PLEKHM1: variants seen among roughly 807,000 people sequenced by gnomAD.
PLEKHM1 encodes pleckstrin homology and RUN domain containing M1.
A neutral mutation model predicts 94.3 loss-of-function variants in PLEKHM1; 28 were observed. The observed-to-expected ratio is 0.30, with a 90% CI of 0.22 to 0.41. PLEKHM1 has a LOEUF of 0.41. Among genes scored for constraint, PLEKHM1 ranks in the 10% least tolerant of loss-of-function variants. The pLI, the probability that PLEKHM1 is intolerant of heterozygous loss-of-function variation, is 1.00. For missense variants in PLEKHM1, 907 were observed against 1,358.6 expected (o/e 0.67, Z 5.22); for synonymous variants, 424 against 581.2 (o/e 0.73, Z 3.89).
chr17:45,465,817 T>C (rs2051303577), intron 5 of PLEKHM1, among the ~76,000 whole-genome samples: 1 of 152,092 alleles, frequency 6.6e-6, no homozygotes, highest in Admixed American at 6.6e-5. Context: ...AAGATGCTAT[T>C]CTGTCCCACC....
At chr17:45,479,947 TTACAGAA>T (rs1358061525) in intron 2 of PLEKHM1, among the ~76,000 whole-genome samples, 1 of 152,242 alleles carries the variant, frequency 6.6e-6, no homozygotes, top group Admixed American at 6.5e-5. Context: ...CTGGAAGGGA[TTACAGAA>T]AAACTGGTTT....
Position 45,437,804 on chromosome 17 carries a change from G to C in PLEKHM1, c.*54C>G, listed in dbSNP as rs2050314278. ...CTGGGCTGATGGCAAACCCAGCCGG[G>C]ATGGCTGAGCCACACTCACCCCCGG... On this transcript the variant is annotated 3_prime_UTR_variant, in exon 12 of 12. Transcript: ENST00000430334. This position sits in a 1 kb window ranked among gnomAD's most constrained non-coding sequence, Gnocchi z 4.0. 7.2e-7 allele frequency: 1 copy of C among 1,387,002 alleles called. No homozygotes were observed. The highest frequency in any genetic ancestry group is 1.8e-4 in the Middle Eastern group (1 of 5,670). 85.9% of individuals were successfully genotyped at this position (1,387,002 alleles called of 1,614,324 possible).
intron 6 of PLEKHM1, among the ~76,000 whole-genome samples, chr17:45,457,940 G>A (rs1368788727): frequency 1.3e-5 from 2 of 152,092 alleles, no homozygotes; most frequent in Non-Finnish European, 1.5e-5. Context: ...CTATTTGACT[G>A]GTGAAACAGT....
In PLEKHM1 at chr17:45,454,094, C is replaced by T; in HGVS notation, c.1758G>A (p.Gly586=). ...NCSLLRCESV[G]PAHSDGRFEL... The stretch of plus-strand genomic sequence containing the variant: ...CAAAGCGCCCATCACTATGGGCTGG[C>T]CCCACAGACTCACAGCGAAGCAGCG... The change falls in exon 7 of 12, where the codon GGG becomes GGA. Residue 586 remains glycine, a synonymous_variant. Transcript: ENST00000430334. The T allele has an allele frequency of 6.2e-7, 1 of 1,614,224 alleles. No individual in the cohort carries two copies. The highest frequency in any genetic ancestry group is 8.5e-7 in the Non-Finnish European group (1 of 1,180,052).
rs751033146 is a variant in PLEKHM1, at chr17:45,453,788, G to C, written c.2064C>G (p.Ser688=). ...QVPEPDAIKE[S]LLYLYMDRTW... ...TCCTGTCCATGTACAAGTACAGCAG[G>C]GACTCCTTGATGGCATCTGGCTCTG... is the stretch of plus-strand genomic sequence containing the variant. Residue 688 remains serine (S), a synonymous_variant, in exon 7 of 12, where the codon TCC becomes TCG. Transcript: ENST00000430334. The surrounding 1 kb of genome is among the most constrained non-coding windows in gnomAD (Gnocchi z 4.1). 1 of 1,613,984 alleles carries C rather than the reference G, an allele frequency of 6.2e-7. No individual in the cohort carries two copies. The highest frequency in any genetic ancestry group is 8.5e-7 in the Non-Finnish European group (1 of 1,179,866).
intron 1 of PLEKHM1, among the ~76,000 whole-genome samples, chr17:45,485,892 C>T (rs1198751180): frequency 2.5e-4 from 37 of 150,768 alleles, no homozygotes; most frequent in African/African-American, 8.6e-4. Context: ...GCACTCCAGC[C>T]GGGGCAGCAA....
intron 1 of PLEKHM1, among the ~76,000 whole-genome samples, chr17:45,489,560 T>G: frequency 6.6e-6 from 1 of 152,094 alleles, no homozygotes; most frequent in Non-Finnish European, 1.5e-5. Context: ...TTAATATGAA[T>G]GCCAAAAACA....
chr17:45,436,113 T>G lies in PLEKHM1; in HGVS notation c.*1745A>C, dbSNP rs780140357. The G allele has an allele frequency of 1.0e-4, 46 of 456,326 alleles. No individual in the cohort carries two copies. The highest frequency in any genetic ancestry group is 4.0e-4 in the Admixed American group (17 of 42,570). The allele number at this position is 456,326 out of a possible 1,614,324, so 28.3% of individuals were successfully genotyped here. A position where few individuals can be genotyped will look rare whatever the true frequency, so the allele number is the denominator to read the frequency against. On this transcript the variant is annotated 3_prime_UTR_variant, in exon 12 of 12. Coordinates refer to ENST00000430334, the MANE Select transcript of PLEKHM1 (RefSeq NM_014798.3). The stretch of plus-strand genomic sequence containing the variant: ...TGCATCTGAAAGCACTGGCAGCTTC[T>G]GGGGAACGGGCCCCCCAGGGCCTCA...
intron 3 of PLEKHM1, among the ~76,000 whole-genome samples, chr17:45,476,302 T>C (rs911449928): frequency 1.3e-5 from 2 of 151,646 alleles, no homozygotes; most frequent in African/African-American, 4.9e-5. Context: ...TAAGGCATGC[T>C]GTCAGAGCTC....
chr17:45,443,296 T>A (rs1425482187), intron 9 of PLEKHM1, among the ~76,000 whole-genome samples: 1 of 151,366 alleles, frequency 6.6e-6, no homozygotes, highest in Non-Finnish European at 1.5e-5. Flanking sequence ...AGACTCTGGG[T>A]CCCTCATGCA....
rs2051631647 is a variant in PLEKHM1, at chr17:45,474,326, G to C, written c.923+774C>G. Among the ~76,000 whole-genome samples the C allele has an allele frequency of 2.0e-5, 3 of 152,060 alleles. No homozygotes were observed. The South Asian group carries it at 6.2e-4, about 32-fold the overall frequency. ...CCTGCCTTGGCCTCCCAAGGTGCTG[G>C]GATTACAGGCGTGAGCCACCGTGCC... On this transcript the variant is annotated intron_variant, in intron 4 of 11. Transcript: ENST00000430334.
At position 45,445,343 on chromosome 17, in the gene PLEKHM1, ATGTG is replaced by A. The variant is rs1347493099; in HGVS notation, c.2837+123_2837+126del. 1 of 743,410 alleles carries A rather than the reference ATGTG, an allele frequency of 1.3e-6. No individual in the cohort carries two copies. The highest frequency in any genetic ancestry group is 2.3e-6 in the Non-Finnish European group (1 of 430,524). The allele number at this position is 743,410 out of a possible 1,614,324, so 46.1% of individuals were successfully genotyped here. On this transcript the variant is annotated intron_variant, in intron 9 of 11. Transcript: ENST00000430334. The surrounding 1 kb of genome is among the most constrained non-coding windows in gnomAD (Gnocchi z 4.2). ...TGTCTATGCATTTGTGTATAAATTT[ATGTG>A]TGTGGGTATGTGTGCACATGTGTAT...
intron 4 of PLEKHM1, among the ~76,000 whole-genome samples, chr17:45,471,035 T>C (rs1445667770): frequency 6.6e-6 from 1 of 152,112 alleles, no homozygotes; most frequent in East Asian, 1.9e-4. Context: ...GGGGAAATAT[T>C]TTTAAATTAT....
At chr17:45,483,205 G>C (rs1190237683) in intron 1 of PLEKHM1, among the ~76,000 whole-genome samples, 1 of 152,022 alleles carries the variant, frequency 6.6e-6, no homozygotes, top group Non-Finnish European at 1.5e-5. Flanking sequence ...GGCATGCTCA[G>C]ACCTCTCAGA....
intron 10 of PLEKHM1, 104 bp downstream of exon 10, chr17:45,440,056 GTCT>G: frequency 1.9e-6 from 2 of 1,078,994 alleles, no homozygotes; most frequent in Non-Finnish European, 2.9e-6. Flanking sequence ...ACAGACTGCT[GTCT>G]TCTTCAGTAA....
At chr17:45,485,115 T>G (rs998745217) in intron 1 of PLEKHM1, among the ~76,000 whole-genome samples, 1 of 151,880 alleles carries the variant, frequency 6.6e-6, no homozygotes, top group Non-Finnish European at 1.5e-5. Flanking sequence ...CCCTTCACCA[T>G]AGTCTGCTCC....
rs1200224822 is a variant in PLEKHM1, at chr17:45,444,068, C to G, written c.2837+1402G>C. Among the ~76,000 whole-genome samples, 1 of 152,134 alleles carries G rather than the reference C, an allele frequency of 6.6e-6. No homozygotes were observed. Among genetic ancestry groups the G allele is most frequent in the African/African-American group, 2.4e-5 (1 of 41,432 alleles). On this transcript the variant is annotated intron_variant, in intron 9 of 11. Transcript: ENST00000430334. The surrounding 1 kb of genome is among the most constrained non-coding windows in gnomAD (Gnocchi z 5.0). ...CCTTGAGAGCCCCTGGGGACCTGCT[C>G]GAGGCACACCCTGGCCCTGAGGAGG...
At chr17:45,474,443 C>T (rs971521362) in intron 4 of PLEKHM1, among the ~76,000 whole-genome samples, 19 of 152,296 alleles carry the variant, frequency 1.2e-4, no homozygotes, top group Middle Eastern at 3.4e-3. Flanking sequence ...TACTCTTCCA[C>T]ACATCTGTCT....
intron 9 of PLEKHM1, 118 bp from the exon 10 acceptor site, chr17:45,440,344 G>C: frequency 9.8e-7 from 1 of 1,016,010 alleles, no homozygotes; most frequent in East Asian, 2.4e-5. Context: ...GCCTGGGCGG[G>C]GCAGGGGCTA....
Sources: allele counts gnomAD v4.1 joint callset (sites outside exome capture counted in the v4.1 genomes callset), GRCh38; gene constraint gnomAD v4.1.1; non-coding constraint Gnocchi (gnomAD v3.1); transcripts MANE v1.5; gene names NCBI Gene and HGNC (gene_info 2026-07-23, HGNC 2026-07-21).